The following CEP112 variants were observed in gnomAD, a reference collection of about 807,000 sequenced individuals.
CEP112 encodes the protein centrosomal protein 112.
A neutral mutation model predicts 153.0 loss-of-function variants in CEP112; 127 were observed. The ratio of observed to expected loss-of-function variants is 0.83; its 90% CI spans 0.72 to 0.96. The LOEUF is 0.96. CEP112 is among the 40% of genes least tolerant of loss of function. CEP112 has a pLI of 0.00. For synonymous variants in CEP112, 358 were observed against 374.4 expected (o/e 0.96, Z 0.51); for missense variants, 1,089 against 1,101.2 (o/e 0.99, Z 0.16).
At chr17:66,005,328 G>T (rs1283819478) in intron 17 of CEP112, among the ~76,000 whole-genome samples, 1 of 152,042 alleles carries the variant, frequency 6.6e-6, no homozygotes, top group Non-Finnish European at 1.5e-5. Context: ...ATAACAACTG[G>T]AACATTTCAT....
intron 20 of CEP112, among the ~76,000 whole-genome samples, chr17:65,886,068 C>G (rs1297164810): frequency 1.3e-5 from 2 of 152,170 alleles, no homozygotes; most frequent in African/African-American, 4.8e-5. Flanking sequence ...GTTCGGAGTC[C>G]AAGTCCATCA....
intron 11 of CEP112, among the ~76,000 whole-genome samples, chr17:66,059,322 G>T (rs2066830029): frequency 6.6e-6 from 1 of 152,074 alleles, no homozygotes; most frequent in African/African-American, 2.4e-5. Flanking sequence ...TTAAAATAAA[G>T]AACTTTTGCA....
At chr17:65,801,112 C>T (rs1212747275) in intron 21 of CEP112, among the ~76,000 whole-genome samples, 1 of 152,120 alleles carries the variant, frequency 6.6e-6, no homozygotes, top group African/African-American at 2.4e-5. Context: ...GTCACCCAGG[C>T]TGTAGTGCGC....
intron 23 of CEP112, among the ~76,000 whole-genome samples, chr17:65,709,460 G>A (rs1235612738): frequency 6.6e-6 from 1 of 152,166 alleles, no homozygotes; most frequent in East Asian, 1.9e-4. Flanking sequence ...TGAGAGCCAA[G>A]TGAAAGGGGT....
intron 21 of CEP112, among the ~76,000 whole-genome samples, chr17:65,827,828 C>T (rs750265619): frequency 1.3e-5 from 2 of 152,162 alleles, no homozygotes; most frequent in Non-Finnish European, 2.9e-5. Context: ...TTCCTTCTAT[C>T]AGCAATTTCT....
intron 18 of CEP112, among the ~76,000 whole-genome samples, chr17:65,937,584 C>CT (rs2061373730): frequency 1.0e-5 from 1 of 97,228 alleles, no homozygotes; most frequent in Non-Finnish European, 2.1e-5. Context: ...GTCAGCCCCC[C>CT]ACCCGGCCAG....
intron 6 of CEP112, among the ~76,000 whole-genome samples, chr17:66,112,470 T>C (rs1390404202): frequency 6.6e-6 from 1 of 151,982 alleles, no homozygotes; most frequent in Non-Finnish European, 1.5e-5. Flanking sequence ...CACAATGCGG[T>C]GATATTTTAC....
At chr17:66,138,015 C>T (rs1220039445) in intron 4 of CEP112, among the ~76,000 whole-genome samples, 1 of 151,992 alleles carries the variant, frequency 6.6e-6, no homozygotes, top group African/African-American at 2.4e-5. Flanking sequence ...TACTGAAACA[C>T]CAGGAGTCCA....
chr17:65,765,318 TA>T (rs2052892125), intron 21 of CEP112, among the ~76,000 whole-genome samples: 1 of 151,784 alleles, frequency 6.6e-6, no homozygotes, highest in Non-Finnish European at 1.5e-5. Context: ...GGTCAGTTAC[TA>T]AAGAATTATT....
intron 23 of CEP112, among the ~76,000 whole-genome samples, chr17:65,726,802 G>T (rs890176532): frequency 2.5e-4 from 38 of 152,130 alleles, no homozygotes; most frequent in African/African-American, 8.2e-4. Flanking sequence ...ATCTTTTTAT[G>T]TATATGACAT....
At chr17:65,864,641 GCTT>G (rs1356109099) in intron 20 of CEP112, among the ~76,000 whole-genome samples, 11 of 152,172 alleles carry the variant, frequency 7.2e-5, no homozygotes, top group Admixed American at 7.2e-4. Flanking sequence ...ATGTACTTGT[GCTT>G]CTTATGTAAA....
chr17:66,129,955 G>A, intron 5 of CEP112, 132 bp from the exon 6 acceptor site: 2 of 466,250 alleles, frequency 4.3e-6, no homozygotes, highest in Non-Finnish European at 7.6e-6. Context: ...AGTAAAAAAG[G>A]AAAAAAGGAA....
intron 16 of CEP112, among the ~76,000 whole-genome samples, chr17:66,018,131 G>A (rs1021177178): frequency 1.3e-5 from 2 of 152,070 alleles, no homozygotes; most frequent in Non-Finnish European, 2.9e-5. Context: ...TGATTTGCTT[G>A]TAATCCTTTC....
chr17:65,866,056 G>T (rs1425777714), intron 20 of CEP112, among the ~76,000 whole-genome samples: 1 of 152,076 alleles, frequency 6.6e-6, no homozygotes, highest in African/African-American at 2.4e-5. Context: ...GCAGGCAGGA[G>T]CCCTGCCGTC....
chr17:66,039,202 T>C (rs2065868987), intron 12 of CEP112, among the ~76,000 whole-genome samples: 1 of 152,206 alleles, frequency 6.6e-6, no homozygotes, highest in South Asian at 2.1e-4. Context: ...AAGTTAAGTC[T>C]TAGAAAATAT....
chr17:65,938,228 C>T (rs34876442), intron 18 of CEP112, among the ~76,000 whole-genome samples: 55,001 of 127,720 alleles, frequency 0.43, 12,913 homozygotes, highest in East Asian at 0.88. Flanking sequence ...AGCATGCTCC[C>T]TAAGAGTCAT....
At chr17:66,128,177 C>T (rs2146508458) in intron 6 of CEP112, among the ~76,000 whole-genome samples, 1 of 151,840 alleles carries the variant, frequency 6.6e-6, no homozygotes, top group East Asian at 1.9e-4. Flanking sequence ...GTGGCACGCA[C>T]CTGTAATCCC....
chr17:65,950,485 C>T lies in CEP112; in HGVS notation c.1872+10978G>A, dbSNP rs74990880. On this transcript the variant is annotated intron_variant, in intron 18 of 26. Transcript: ENST00000535342. ...CTTGTAAATATTTTATTCTTTTCGA[C>T]GTTATTATGAATTAAATGGCTTTCT... Among the ~76,000 whole-genome samples the T allele has an allele frequency of 7.8e-3, 1,182 of 151,892 alleles. 15 individuals are homozygous for T. The highest frequency in any genetic ancestry group is 0.027 in the African/African-American group (1,117 of 41,438).
chr17:65,797,053 T>TCAAAAACAACAA (rs2145783687), intron 21 of CEP112: 1 of 113,692 alleles, frequency 8.8e-6, no homozygotes, highest in Admixed American at 1.0e-4. Context: ...AGACTCTGTC[T>TCAAAAACAACAA]CAAAAACAAC....
Sources: gnomAD v4.1 joint callset for allele counts (sites outside exome capture counted in the v4.1 genomes callset) on GRCh38, gnomAD v4.1.1 for gene constraint, MANE v1.5 for transcripts, NCBI Gene and HGNC (gene_info 2026-07-23, HGNC 2026-07-21) for gene names.